The following MSN variants were observed in gnomAD, a reference collection of about 807,000 sequenced individuals.
MSN encodes the protein moesin, also known as epididymis luminal protein 70.
MSN carries 2 observed loss-of-function variants against 48.0 expected under a neutral mutation model. That is an observed-to-expected ratio of 0.04 (90% CI 0.02 to 0.13). The LOEUF is 0.13. Ranked by LOEUF, MSN falls within the 10% of genes least tolerant of loss-of-function variation. MSN has a pLI of 1.00. For synonymous variants in MSN, 146 were observed against 166.9 expected (o/e 0.87, Z 0.97); for missense variants, 267 against 470.1 (o/e 0.57, Z 3.99).
chrX:65,625,803 T>A (rs1359339256), intron 1 of MSN: 1 of 102,712 alleles, frequency 9.7e-6, no homozygotes, highest in East Asian at 2.8e-4. Context: ...TTCTACCTTT[T>A]TGCTATTTGA....
intron 1 of MSN, among the ~76,000 whole-genome samples, chrX:65,621,497 T>C (rs1247025675): frequency 8.9e-6 from 1 of 112,013 alleles, no homozygotes; most frequent in African/African-American, 3.2e-5. Flanking sequence ...ACTGCACTGT[T>C]TTGATTTTAG....
rs2071734719 is a variant in MSN, at chrX:65,741,370, T to C, written c.*1477T>C. ...AGAAGATATTAGTCTTGGGGCAGGA[T>C]GATTTTGGCCTCATTACTTTACCAC... On this transcript the variant is annotated 3_prime_UTR_variant, in exon 13 of 13. Transcript: ENST00000360270. The C allele has an allele frequency of 6.0e-6, 1 of 167,076 alleles. No individual in the cohort carries two copies. The highest frequency in any genetic ancestry group is 3.2e-4 in the South Asian group (1 of 3,105). The allele number at this position is 167,076 out of a possible 1,213,427, so 13.8% of individuals were successfully genotyped here. A position where few individuals can be genotyped will look rare whatever the true frequency, so the allele number is the denominator to read the frequency against.
At chrX:65,676,176 G>A (rs975450280) in intron 1 of MSN, among the ~76,000 whole-genome samples, 7 of 111,959 alleles carry the variant, frequency 6.3e-5, no homozygotes, top group East Asian at 2.8e-4. Flanking sequence ...AGGTGGAGGA[G>A]TATGACGTTT....
chrX:65,709,984 T>C (rs1182984885), intron 1 of MSN, among the ~76,000 whole-genome samples: 1 of 111,905 alleles, frequency 8.9e-6, no homozygotes, highest in Non-Finnish European at 1.9e-5. Context: ...TGCCCTCCAC[T>C]TATCTTCCTA....
rs189863313 is a variant in MSN, at chrX:65,731,212, T to C, written c.551+22T>C. ...TCAGGTAAGCTTGCCCAAGCAGTGG[T>C]GGGCCCCACTTCCCTTACAGGGTGA... On this transcript the variant is annotated intron_variant, in intron 5 of 12. Transcript: ENST00000360270. The C allele has an allele frequency of 4.5e-4, 522 of 1,150,147 alleles. 1 individual carries two copies. In the African/African-American group the frequency reaches 8.4e-3, roughly 19 times the overall value. The allele number at this position is 1,150,147 out of a possible 1,213,427, so 94.8% of individuals were successfully genotyped here.
intron 12 of MSN, 138 bp downstream of exon 12, chrX:65,739,332 C>A: frequency 1.7e-6 from 1 of 598,490 alleles, no homozygotes; most frequent in Non-Finnish European, 2.6e-6. Flanking sequence ...TCTTAAGTGA[C>A]AGCTTTAAGG....
intron 1 of MSN, among the ~76,000 whole-genome samples, chrX:65,617,432 T>G (rs1316731329): frequency 9.5e-6 from 1 of 104,992 alleles, no homozygotes; most frequent in Non-Finnish European, 1.9e-5. Flanking sequence ...GGTTTAGTCT[T>G]GGGAGAGTGT....
intron 1 of MSN, among the ~76,000 whole-genome samples, chrX:65,646,790 A>G (rs899345332): frequency 9.0e-6 from 1 of 110,832 alleles, no homozygotes; most frequent in African/African-American, 3.3e-5. Context: ...TACTAAAAAT[A>G]CAATAAATTA....
intron 1 of MSN, among the ~76,000 whole-genome samples, chrX:65,705,530 G>T (rs1309874129): frequency 8.9e-6 from 1 of 111,756 alleles, no homozygotes; most frequent in African/African-American, 3.3e-5. Flanking sequence ...AAACAAGAGG[G>T]GTTTACCTGG....
intron 1 of MSN, among the ~76,000 whole-genome samples, chrX:65,615,397 C>T (rs2070360600): frequency 9.1e-6 from 1 of 110,066 alleles, no homozygotes; most frequent in Non-Finnish European, 1.9e-5. Flanking sequence ...GATTGCCATT[C>T]TAACAGGTGT....
upstream of MSN, chrX:65,667,625 C>T: frequency 1.1e-5 from 11 of 1,002,217 alleles, no homozygotes; most frequent in Non-Finnish European, 1.4e-5. Context: ...AGCCGGGCCA[C>T]ATAAAGGAGC....
chrX:65,599,354 G>A (rs2070213074), intron 1 of MSN, among the ~76,000 whole-genome samples: 1 of 112,167 alleles, frequency 8.9e-6, no homozygotes, highest in African/African-American at 3.2e-5. Flanking sequence ...TCAAAGTAAG[G>A]CTGGGTGCAG....
intron 1 of MSN, among the ~76,000 whole-genome samples, chrX:65,643,273 C>T (rs139302613): frequency 3.6e-5 from 4 of 111,132 alleles, no homozygotes; most frequent in Non-Finnish European, 7.5e-5. Flanking sequence ...CCAATGATTC[C>T]GGGAAGAGGA....
intron 1 of MSN, among the ~76,000 whole-genome samples, chrX:65,660,814 C>T (rs1427099764): frequency 2.7e-5 from 3 of 111,076 alleles, no homozygotes; most frequent in Non-Finnish European, 5.7e-5. Context: ...ATCCGCCCAC[C>T]TCGGCCTCCC....
Position 65,645,243 on chromosome X carries a change from G to A in MSN, c.-22+56631G>A, listed in dbSNP as rs2070686728. ...AGCTATCAGGACCCTCCTCGCTTCT[G>A]ATAGCTGATAGCTGGCCTCTGACAA... On this transcript the variant is annotated intron_variant, in intron 1 of 3. Coordinates refer to the MSN transcript ENST00000609672. Among the ~76,000 whole-genome samples the A allele has an allele frequency of 2.7e-5, 3 of 111,909 alleles. No individual in the cohort carries two copies. In the South Asian group the frequency reaches 1.1e-3, roughly 42 times the overall value.
At chrX:65,668,473 A>AT (rs1327807553) in intron 1 of MSN, among the ~76,000 whole-genome samples, 1 of 111,246 alleles carries the variant, frequency 9.0e-6, no homozygotes, top group African/African-American at 3.3e-5. Flanking sequence ...GGCCTACCCC[A>AT]TCTCCTGGGA....
intron 1 of MSN, among the ~76,000 whole-genome samples, chrX:65,641,549 AGTATATATATATATAT>A (rs1345337492): frequency 6.1e-4 from 20 of 32,564 alleles, no homozygotes; most frequent in African/African-American, 2.2e-3. Context: ...AAAAAAGTGA[AGTATATATATATATAT>A]ATATATATAT....
intron 1 of MSN, among the ~76,000 whole-genome samples, chrX:65,715,172 G>C (rs780637368): frequency 9.0e-6 from 1 of 111,066 alleles, no homozygotes; most frequent in African/African-American, 3.3e-5. Context: ...CTGCTCCATT[G>C]GTCTCTGTGT....
At chrX:65,632,363 G>A (rs752280211) in intron 1 of MSN, among the ~76,000 whole-genome samples, 5 of 111,775 alleles carry the variant, frequency 4.5e-5, no homozygotes, top group South Asian at 3.7e-4. Context: ...TTGGACTTTC[G>A]AGCCTCCAGA....
Sources: allele counts gnomAD v4.1 joint callset (sites outside exome capture counted in the v4.1 genomes callset), GRCh38; gene constraint gnomAD v4.1.1; transcripts MANE v1.5; gene names NCBI Gene and HGNC (gene_info 2026-07-23, HGNC 2026-07-21).